Variants in REL observed in about 807,000 individuals in gnomAD.
REL encodes the protein REL proto-oncogene, NF-kB subunit.
A neutral mutation model predicts 45.9 loss-of-function variants in REL; 15 were observed. The observed-to-expected ratio is 0.33, with a 90% confidence interval of 0.22 to 0.50. REL has a LOEUF of 0.50. Ranked by LOEUF, REL falls within the 20% of genes least tolerant of loss-of-function variation. REL has a pLI of 0.98. For missense variants in REL, 601 were observed against 715.2 expected, an observed-to-expected ratio of 0.84 and a Z score of 1.82; for synonymous variants, 239 against 242.1, an observed-to-expected ratio of 0.99 and a Z score of 0.12.
chr2:60,909,417 A>C (rs532069167), intron 4 of REL, among the ~76,000 whole-genome samples: 1 of 152,204 alleles, frequency 6.6e-6, no homozygotes, highest in Admixed American at 6.5e-5. Flanking sequence ...ATTATAACTA[A>C]ATTTTATATT....
At chr2:60,912,870 G>T (rs1295292930) in intron 4 of REL, among the ~76,000 whole-genome samples, 1 of 151,520 alleles carries the variant, frequency 6.6e-6, no homozygotes, top group African/African-American at 2.4e-5. Flanking sequence ...TTTGAGAAAT[G>T]AAGCTTGAAA....
intron 4 of REL, among the ~76,000 whole-genome samples, chr2:60,902,639 G>A (rs1573327280): frequency 6.7e-6 from 1 of 149,576 alleles, no homozygotes; most frequent in South Asian, 2.1e-4. Flanking sequence ...TGTCGCCCAG[G>A]ATGGAGTGCA....
chr2:60,897,390 C>T (rs562118630), intron 3 of REL, among the ~76,000 whole-genome samples: 1 of 151,704 alleles, frequency 6.6e-6, no homozygotes, highest in Non-Finnish European at 1.5e-5. Flanking sequence ...TCACTGCAAC[C>T]TTCCCCTCCC....
chr2:60,907,044 T>C (rs969451176), intron 4 of REL, among the ~76,000 whole-genome samples: 1 of 151,320 alleles, frequency 6.6e-6, no homozygotes, highest in African/African-American at 2.4e-5. Context: ...CTCAGCCTTC[T>C]GAGTAGCTGG....
At chr2:60,912,638 C>A (rs186232560) in intron 4 of REL, among the ~76,000 whole-genome samples, 33 of 152,146 alleles carry the variant, frequency 2.2e-4, no homozygotes, top group Admixed American at 1.8e-3. Context: ...AGAGAGATTT[C>A]ATTTTTGCCC....
rs548632792 is a variant in REL at position 60,923,540 on chromosome 2, C to T, written c.*1005C>T. 8 of 232,710 alleles carry T rather than the reference C, an allele frequency of 3.4e-5. No individual in the cohort carries two copies. The highest frequency in any genetic ancestry group is 2.8e-4 in the Admixed American group (5 of 17,788). The allele number at this position is 232,710 out of a possible 1,614,324, so 14.4% of individuals were successfully genotyped here. A position where few individuals can be genotyped will look rare whatever the true frequency, so the allele number is the denominator to read the frequency against. On this transcript the variant is annotated 3_prime_UTR_variant, in exon 10 of 10. Transcript: ENST00000394479. ...AAACTGAATTCTTGGTCTTCCCTCC[C>T]AAACTTGCTTCTCCTTCAGTCTTCT... is the stretch of plus-strand genomic sequence containing the variant.
In REL at chr2:60,930,694, A is replaced by C. The variant is rs984473476; in HGVS notation, c.*8159A>C. 6.6e-6 allele frequency: 1 copy of C among 152,358 alleles called. No homozygotes were observed. The highest frequency in any genetic ancestry group is 1.5e-5 in the Non-Finnish European group (1 of 68,018). The allele number at this position is 152,358 out of a possible 1,614,324, so 9.4% of individuals were successfully genotyped here. A position where few individuals can be genotyped will look rare whatever the true frequency, so the allele number is the denominator to read the frequency against. On this transcript the variant is annotated 3_prime_UTR_variant, in exon 10 of 10. Coordinates refer to ENST00000394479, the MANE Select transcript of REL (RefSeq NM_001291746.2). ...AAACAAAATACAGATCAAAGTTTTC[A>C]AAAGTAATCACTCTATTTATTCTAA...
At chr2:60,887,963 T>A (rs1354711417) in intron 1 of REL, among the ~76,000 whole-genome samples, 1 of 151,654 alleles carries the variant, frequency 6.6e-6, no homozygotes, top group Admixed American at 6.6e-5. Context: ...AGTCTCACTC[T>A]GTCACCCAGG....
chr2:60,904,868 C>T (rs111624964), intron 4 of REL, among the ~76,000 whole-genome samples: 10 of 152,110 alleles, frequency 6.6e-5, no homozygotes, highest in East Asian at 5.8e-4. Context: ...TCAGCCTGAG[C>T]GACGGAACAA....
intron 1 of REL, among the ~76,000 whole-genome samples, chr2:60,887,934 GT>G (rs529972811): frequency 1.9e-4 from 27 of 143,012 alleles, no homozygotes; most frequent in East Asian, 4.1e-4. Flanking sequence ...TGTTTTGTTT[GT>G]TTTTTTTTTT....
At chr2:60,915,518 T>C (rs966658801) in intron 4 of REL, among the ~76,000 whole-genome samples, 3 of 152,208 alleles carry the variant, frequency 2.0e-5, no homozygotes, top group African/African-American at 2.4e-5. Context: ...CTTATAAATG[T>C]TGTGATAGCT....
chr2:60,901,947 T>G (rs1244268189), intron 4 of REL, among the ~76,000 whole-genome samples: 2 of 152,194 alleles, frequency 1.3e-5, no homozygotes, highest in Non-Finnish European at 2.9e-5. Context: ...ATGCTGTAAG[T>G]ATAAATGCTT....
chr2:60,909,154 A>G (rs1019314557), intron 4 of REL, among the ~76,000 whole-genome samples: 31 of 152,056 alleles, frequency 2.0e-4, no homozygotes, highest in African/African-American at 5.8e-4. Flanking sequence ...TTATGTATCT[A>G]TTTCTCATCC....
chr2:60,922,493 G>A lies in REL; in HGVS notation c.1722G>A (p.Glu574=). The A allele has an allele frequency of 1.9e-6, 3 of 1,610,374 alleles. No homozygotes were observed. Residue 574 remains glutamate (E), a synonymous_variant, in exon 10 of 10, where the codon GAG becomes GAA. Transcript: ENST00000394479. ...QYSGIGSMQN[E]QLSDSFPYEF... is the part of the protein sequence containing the mutation. ...CAGGTATTGGCAGTATGCAAAATGA[G>A]CAATTGAGTGACTCCTTTCCATATG...
At chr2:60,917,635 G>A (rs1394802888) in intron 5 of REL, among the ~76,000 whole-genome samples, 3 of 145,958 alleles carry the variant, frequency 2.1e-5, no homozygotes, top group African/African-American at 7.6e-5. Flanking sequence ...CAAAGGATAT[G>A]GATATATCTC....
At chr2:60,914,348 C>T (rs1673899568) in intron 4 of REL, among the ~76,000 whole-genome samples, 1 of 152,158 alleles carries the variant, frequency 6.6e-6, no homozygotes, top group Non-Finnish European at 1.5e-5. Context: ...AATTCTGATG[C>T]AGTAGTAATT....
In REL at chr2:60,920,051, C is replaced by T; in HGVS notation, c.864C>T (p.Gly288=). The T allele has an allele frequency of 1.9e-6, 3 of 1,609,316 alleles. No homozygotes were observed. Among genetic ancestry groups the T allele is most frequent in the South Asian group, 1.1e-5 (1 of 90,536 alleles). ...RYLPDEKDTY[G]NKAKKQKTTL... is the part of the protein sequence containing the mutation. ...TTTCTTTCTAATCAGATACTTACGG[C>T]AATAAAGCAAAGAAACAAAAGACAA... Residue 288 remains glycine, a synonymous_variant, in exon 8 of 10, where the codon GGC becomes GGT. Coordinates refer to ENST00000394479, the MANE Select transcript of REL (RefSeq NM_001291746.2).
At chr2:60,912,330 A>G (rs932569275) in intron 4 of REL, among the ~76,000 whole-genome samples, 15 of 152,252 alleles carry the variant, frequency 9.9e-5, no homozygotes, top group African/African-American at 3.1e-4. Flanking sequence ...ATTTATTTCA[A>G]TATTTAATAT....
intron 1 of REL, 31 bp downstream of exon 1, chr2:60,881,881 GGGGGAAA>G (rs1672946796): frequency 1.3e-5 from 18 of 1,432,528 alleles, no homozygotes; most frequent in Non-Finnish European, 1.7e-5. Flanking sequence ...GGCCTGGGCC[GGGGGAAA>G]GGAGCTCTTC....
Sources: allele counts gnomAD v4.1 joint callset (sites outside exome capture counted in the v4.1 genomes callset), GRCh38; gene constraint gnomAD v4.1.1; transcripts MANE v1.5; gene names NCBI Gene and HGNC (gene_info 2026-07-23, HGNC 2026-07-21).